Variants in SERINC5 observed in about 807,000 individuals in gnomAD.
SERINC5 encodes serine incorporator 5, also known as chromosome 5 open reading frame 12.
SERINC5 carries 41 observed loss-of-function variants against 63.1 expected under a neutral mutation model. The observed-to-expected ratio is 0.65, with a 90% confidence interval of 0.51 to 0.84. SERINC5 has a LOEUF of 0.84. SERINC5 is among the 40% of genes least tolerant of loss of function. The pLI is 0.00. For synonymous variants in SERINC5, 222 were observed against 215.2 expected, an observed-to-expected ratio of 1.03 and a Z score of -0.28; for missense variants, 523 against 573.0, an observed-to-expected ratio of 0.91 and a Z score of 0.89.
At position 80,127,855 on chromosome 5, in the gene SERINC5, C is replaced by T. The variant is rs188534050; in HGVS notation, c.1239-14230G>A. ...TACAATCTAATTTTAATTGATTTCTCAAGGAAAAAAACAACAAAGCAGACT... is the reference window on the plus strand; with the variant it reads ...TACAATCTAATTTTAATTGATTTCTTAAGGAAAAAAACAACAAAGCAGACT... On this transcript the variant is annotated intron_variant, in intron 11 of 12. Transcript: ENST00000509193. Among the ~76,000 whole-genome samples the T allele has an allele frequency of 4.6e-5, 7 of 151,934 alleles. No homozygotes were observed. In the East Asian group the frequency reaches 1.4e-3, roughly 29 times the overall value.
intron 1 of SERINC5, among the ~76,000 whole-genome samples, chr5:80,214,319 G>A (rs1750566625): frequency 6.6e-6 from 1 of 152,194 alleles, no homozygotes; most frequent in Non-Finnish European, 1.5e-5. Context: ...GTAGAATTAT[G>A]AGTGACTATG....
intron 1 of SERINC5, among the ~76,000 whole-genome samples, chr5:80,215,183 G>GTAAA (rs1342470913): frequency 6.6e-6 from 1 of 152,200 alleles, no homozygotes; most frequent in Non-Finnish European, 1.5e-5. Context: ...CTGATGAATG[G>GTAAA]TTTACCACCA....
intron 1 of SERINC5, among the ~76,000 whole-genome samples, chr5:80,239,354 TA>T (rs1473074699): frequency 6.6e-6 from 1 of 152,214 alleles, no homozygotes; most frequent in East Asian, 1.9e-4. Context: ...TGGAGTGTGC[TA>T]AAAGGTCTGA....
intron 11 of SERINC5, among the ~76,000 whole-genome samples, chr5:80,144,863 C>A (rs1745717832): frequency 6.6e-6 from 1 of 152,086 alleles, no homozygotes; most frequent in African/African-American, 2.4e-5. Flanking sequence ...AAAGGAAGCA[C>A]AATGAGCCTA....
chr5:80,238,328 G>A (rs912732449), intron 1 of SERINC5, among the ~76,000 whole-genome samples: 1 of 152,042 alleles, frequency 6.6e-6, no homozygotes, highest in South Asian at 2.1e-4. Flanking sequence ...CTACACTAAC[G>A]GTGAGATAGT....
At chr5:80,205,378 G>A (rs1031962343) in intron 1 of SERINC5, among the ~76,000 whole-genome samples, 2 of 152,160 alleles carry the variant, frequency 1.3e-5, no homozygotes, top group Non-Finnish European at 2.9e-5. Flanking sequence ...GTTTCAAAAG[G>A]AACCTGTCAA....
intron 2 of SERINC5, among the ~76,000 whole-genome samples, chr5:80,178,974 T>C (rs1748238941): frequency 6.6e-6 from 1 of 151,376 alleles, no homozygotes; most frequent in Non-Finnish European, 1.5e-5. Flanking sequence ...TAAAAGATTG[T>C]ATGTAATGTT....
intron 1 of SERINC5, among the ~76,000 whole-genome samples, chr5:80,237,345 C>T (rs75473781): frequency 1.3e-5 from 2 of 150,838 alleles, no homozygotes; most frequent in East Asian, 1.9e-4. Context: ...CTTTCTCTCT[C>T]TTTTTTTTTC....
At chr5:80,158,169 C>A in intron 8 of SERINC5, 1 of 152,208 alleles carries the variant, frequency 6.6e-6, no homozygotes, top group Middle Eastern at 3.2e-3. Context: ...GATTAACTAG[C>A]CATTTCTATC....
rs71636204 is a variant in SERINC5, at chr5:80,142,029, G to T, written c.*1634C>A. On this transcript the variant is annotated 3_prime_UTR_variant, in exon 12 of 12. Transcript: ENST00000507668. ...TTTTGGCACACAGAAGCCCAGCTTA[G>T]GTGGCACTCAATTCTGCCCAACTCA... is the stretch of plus-strand genomic sequence containing the variant. 12 of 985,288 alleles carry T rather than the reference G, an allele frequency of 1.2e-5. No individual in the cohort carries two copies. The African/African-American group carries it at 1.9e-4, about 16-fold the overall frequency. The allele number at this position is 985,288 out of a possible 1,614,324, so 61.0% of individuals were successfully genotyped here.
At chr5:80,233,520 G>A (rs1447419870) in intron 1 of SERINC5, among the ~76,000 whole-genome samples, 1 of 152,048 alleles carries the variant, frequency 6.6e-6, no homozygotes, top group African/African-American at 2.4e-5. Context: ...AAATCACTTG[G>A]TTGGACATCT....
At chr5:80,199,368 G>A (rs1749694109) in intron 2 of SERINC5, among the ~76,000 whole-genome samples, 1 of 152,216 alleles carries the variant, frequency 6.6e-6, no homozygotes, top group Non-Finnish European at 1.5e-5. Context: ...CAGTGCTGAT[G>A]AAGTAAGAAA....
chr5:80,192,070 T>C (rs1040659718), intron 2 of SERINC5, among the ~76,000 whole-genome samples: 2 of 152,236 alleles, frequency 1.3e-5, no homozygotes, highest in Non-Finnish European at 2.9e-5. Flanking sequence ...GCTGGCATAT[T>C]GTTTTGGCTG....
At chr5:80,145,887 G>A (rs1271641717) in intron 11 of SERINC5, among the ~76,000 whole-genome samples, 2 of 152,216 alleles carry the variant, frequency 1.3e-5, no homozygotes, top group African/African-American at 4.8e-5. Flanking sequence ...GTACATGCAT[G>A]TAATCCCAGC....
At chr5:80,194,801 G>C (rs939283607) in intron 2 of SERINC5, among the ~76,000 whole-genome samples, 1 of 152,270 alleles carries the variant, frequency 6.6e-6, no homozygotes, top group East Asian at 1.9e-4. Context: ...GTGAATATCT[G>C]ACCAACAAGC....
At chr5:80,158,744 T>C (rs1373727458) in intron 8 of SERINC5, 92 bp downstream of exon 8, 10 of 1,285,934 alleles carry the variant, frequency 7.8e-6, no homozygotes, top group African/African-American at 5.9e-5. Flanking sequence ...CCTCAAATGG[T>C]TGCAGCCTCA....
At chr5:80,146,319 G>T in intron 10 of SERINC5, 85 bp from the exon 11 acceptor site, 1 of 1,494,360 alleles carries the variant, frequency 6.7e-7, no homozygotes, top group Non-Finnish European at 9.2e-7. Context: ...AATTCTACAG[G>T]GCTGTCAGTA....
At chr5:80,240,806 G>A (rs544869610) in intron 1 of SERINC5, among the ~76,000 whole-genome samples, 6 of 152,068 alleles carry the variant, frequency 3.9e-5, no homozygotes, top group African/African-American at 9.6e-5. Context: ...CCGAGCAGCC[G>A]GGACTACAGG....
intron 6 of SERINC5, among the ~76,000 whole-genome samples, chr5:80,167,828 A>T (rs773927238): frequency 2.0e-5 from 3 of 152,214 alleles, no homozygotes; most frequent in Non-Finnish European, 2.9e-5. Flanking sequence ...CTTTCCTGCG[A>T]AATTTTCGAC....
Sources: allele counts gnomAD v4.1 joint callset (sites outside exome capture counted in the v4.1 genomes callset), GRCh38; gene constraint gnomAD v4.1.1; transcripts MANE v1.5; gene names NCBI Gene and HGNC (gene_info 2026-07-23, HGNC 2026-07-21).